The following ZNF283 variants were observed in gnomAD, a reference collection of about 807,000 sequenced individuals.
ZNF283 encodes the protein zinc finger protein 283.
ZNF283 carries 10 observed loss-of-function variants against 9.2 expected under a neutral mutation model. That is an observed-to-expected ratio of 1.09 (90% CI 0.67 to 1.85). The LOEUF is 1.85. ZNF283 is among the 40% of genes most tolerant of loss of function. ZNF283 has a pLI of 0.00. For synonymous variants in ZNF283, 234 were observed against 244.1 expected (o/e 0.96, Z 0.38); for missense variants, 631 against 760.1 (o/e 0.83, Z 2.00).
chr19:43,845,493 TTAAAA>T (rs1189288243), intron 6 of ZNF283, among the ~76,000 whole-genome samples: 1 of 152,120 alleles, frequency 6.6e-6, no homozygotes, highest in Non-Finnish European at 1.5e-5. Context: ...AACACAATAT[TTAAAA>T]TAATGAGAAG....
At chr19:43,846,211 C>T (rs995452204) in intron 6 of ZNF283, among the ~76,000 whole-genome samples, 2 of 151,936 alleles carry the variant, frequency 1.3e-5, no homozygotes, top group African/African-American at 4.8e-5. Context: ...AATTGATAGA[C>T]ATTTAAAATT....
rs1390966451 is a variant in ZNF283, at chr19:43,848,036, A to G, written c.1435A>G (p.Arg479Gly). 2.5e-6 allele frequency: 4 copies of G among 1,613,532 alleles called. No homozygotes were observed. The highest frequency in any genetic ancestry group is 3.4e-6 in the Non-Finnish European group (4 of 1,179,854). Residue 479 changes from arginine to glycine, a missense_variant, in exon 7 of 7, where the codon AGA becomes GGA. Arg to Gly is a moderately radical substitution (Grantham distance 125, BLOSUM62 -2). Transcript: ENST00000618787. ...SWGSSLVKHE[R>G]VHTGEKSHEC... is the part of the protein sequence containing the mutation. ...GGGTTCAAGCCTTGTTAAACATGAGAGAGTTCATACTGGTGAGAAATCCCA... is the reference window on the plus strand; with the variant it reads ...GGGTTCAAGCCTTGTTAAACATGAGGGAGTTCATACTGGTGAGAAATCCCA...
At chr19:43,836,598 C>T (rs761808417) in intron 5 of ZNF283, among the ~76,000 whole-genome samples, 27 of 152,210 alleles carry the variant, frequency 1.8e-4, no homozygotes, top group Non-Finnish European at 3.2e-4. Flanking sequence ...GCCTCAGCCT[C>T]CCAAAGTGCT....
intron 6 of ZNF283, among the ~76,000 whole-genome samples, chr19:43,839,521 T>A (rs991413633): frequency 6.6e-6 from 1 of 152,150 alleles, no homozygotes; most frequent in Non-Finnish European, 1.5e-5. Context: ...TTTCTTCAAA[T>A]TTTTTTCTCT....
rs372887985 is a variant in ZNF283, at chr19:43,829,257, C to T, written c.-65+976C>T. On this transcript the variant is annotated intron_variant, in intron 2 of 6. Transcript: ENST00000618787. Reference sequence around the variant, plus strand: ...AAAATTAGCTGGGCGTAGTGGTAGGCGCCTGTAGTCCCAGCTACTCGGGAG... The same window carrying T: ...AAAATTAGCTGGGCGTAGTGGTAGGTGCCTGTAGTCCCAGCTACTCGGGAG... 9.2e-5 allele frequency among the ~76,000 whole-genome samples: 14 copies of T among 152,188 alleles called. No homozygotes were observed. The East Asian group carries it at 1.4e-3, about 15-fold the overall frequency.
At position 43,829,331 on chromosome 19, in the gene ZNF283, G is replaced by C. The variant is rs370273066; in HGVS notation, c.-65+1050G>C. Among the ~76,000 whole-genome samples, 22 of 152,284 alleles carry C rather than the reference G, an allele frequency of 1.4e-4. No homozygotes were observed. The East Asian group carries it at 1.9e-3, about 13-fold the overall frequency. On this transcript the variant is annotated intron_variant, in intron 2 of 6. Coordinates refer to ENST00000618787, the MANE Select transcript of ZNF283 (RefSeq NM_181845.2). The stretch of plus-strand genomic sequence containing the variant: ...ACCCGGGCGGTGGAGGTTGCAGTGA[G>C]CCAAGATTGCACCACTGCACTCCAG...
chr19:43,849,665 A>G lies in ZNF283; in HGVS notation c.*1024A>G, dbSNP rs998766044. 5.3e-5 allele frequency: 8 copies of G among 152,192 alleles called. No individual in the cohort carries two copies. Among genetic ancestry groups the G allele is most frequent in the African/African-American group, 1.2e-4 (5 of 41,456 alleles). 9.4% of individuals were successfully genotyped at this position (152,192 alleles called of 1,614,324 possible). A position where few individuals can be genotyped will look rare whatever the true frequency, so the allele number is the denominator to read the frequency against. On this transcript the variant is annotated 3_prime_UTR_variant, in exon 7 of 7. Transcript: ENST00000618787. Reference sequence around the variant, plus strand: ...ATGTAGGAAAACCCTTATCCATGGCAAATACCATACTGTCATCACCATTTC... The same window carrying G: ...ATGTAGGAAAACCCTTATCCATGGCGAATACCATACTGTCATCACCATTTC...
chr19:43,844,220 C>A (rs978510746), intron 6 of ZNF283, among the ~76,000 whole-genome samples: 2 of 151,994 alleles, frequency 1.3e-5, no homozygotes, highest in African/African-American at 2.4e-5. Context: ...TGACAAATAT[C>A]AAAATATATA....
chr19:43,846,536 T>C (rs1335380857), intron 6 of ZNF283, among the ~76,000 whole-genome samples: 1 of 152,118 alleles, frequency 6.6e-6, no homozygotes, highest in African/African-American at 2.4e-5. Flanking sequence ...GTTGCGACCA[T>C]TGAGTTGTTA....
intron 6 of ZNF283, chr19:43,840,977 C>T (rs1971187892): frequency 6.6e-6 from 1 of 152,138 alleles, no homozygotes; most frequent in South Asian, 2.1e-4. Context: ...GCTAGGATTA[C>T]AGGTGTGGCC....
At chr19:43,830,897 C>A (rs1316174162) in intron 2 of ZNF283, among the ~76,000 whole-genome samples, 2 of 82,782 alleles carry the variant, frequency 2.4e-5, no homozygotes, top group Admixed American at 1.4e-4. Context: ...AGCAAGACTC[C>A]ATCTAAAAAA....
chr19:43,836,515 T>TA (rs1970984871), intron 5 of ZNF283, among the ~76,000 whole-genome samples: 1 of 152,138 alleles, frequency 6.6e-6, no homozygotes, highest in Non-Finnish European at 1.5e-5. Flanking sequence ...CTAATTTTTG[T>TA]ATTGTTAGTA....
intron 3 of ZNF283, among the ~76,000 whole-genome samples, chr19:43,832,253 C>T (rs1970742102): frequency 1.3e-5 from 2 of 152,174 alleles, no homozygotes; most frequent in South Asian, 4.1e-4. Context: ...AAGGTTACCT[C>T]TACAGACAAT....
chr19:43,831,747 G>A (rs563011186), intron 3 of ZNF283, among the ~76,000 whole-genome samples: 1 of 152,244 alleles, frequency 6.6e-6, no homozygotes, highest in Non-Finnish European at 1.5e-5. Context: ...TCCCACCTCA[G>A]AGGGAAGGTA....
Position 43,827,322 on chromosome 19 carries a change from G to A in ZNF283, c.-267G>A, listed in dbSNP as rs1970513674. 6.6e-6 allele frequency: 1 copy of A among 152,464 alleles called. No individual in the cohort carries two copies. The highest frequency in any genetic ancestry group is 2.1e-4 in the South Asian group (1 of 4,834). The allele number at this position is 152,464 out of a possible 1,614,324, so 9.4% of individuals were successfully genotyped here. A position where few individuals can be genotyped will look rare whatever the true frequency, so the allele number is the denominator to read the frequency against. ...AGGGGCGGGGCGAGCTTGCCTGCCAGAAGCTCCTCTCCCAGCCTGCGAGCA... is the reference window on the plus strand; with the variant it reads ...AGGGGCGGGGCGAGCTTGCCTGCCAAAAGCTCCTCTCCCAGCCTGCGAGCA... On this transcript the variant is annotated 5_prime_UTR_variant, in exon 1 of 7. Coordinates refer to ENST00000618787, the MANE Select transcript of ZNF283 (RefSeq NM_181845.2).
chr19:43,833,484 CTTTTTT>C lies in ZNF283; in HGVS notation c.1-9_1-4del, dbSNP rs55882936. 3 of 135,450 alleles carry C rather than the reference CTTTTTT, an allele frequency of 2.2e-5. No homozygotes were observed. The highest frequency in any genetic ancestry group is 2.3e-4 in the East Asian group (1 of 4,434). The allele number at this position is 135,450 out of a possible 1,614,324, so 8.4% of individuals were successfully genotyped here. On this transcript the variant is annotated splice_polypyrimidine_tract_variant and intron_variant, in intron 3 of 6. Transcript: ENST00000618787. ...GTGTTTCTTTCTTCTTTACCTATTT[CTTTTTT>C]TTTTTTTTTTTCAGATGGAGTCTCG...
Position 43,844,662 on chromosome 19 carries a change from A to G in ZNF283, c.338-2277A>G, listed in dbSNP as rs1971339595. ...ATGATTAAACTTACTTCCCACATTC[A>G]CATCACAATAATCATCCATCATTTA... On this transcript the variant is annotated intron_variant, in intron 6 of 6. Transcript: ENST00000618787. 4.6e-5 allele frequency among the ~76,000 whole-genome samples: 7 copies of G among 152,168 alleles called. No homozygotes were observed. The South Asian group carries it at 1.4e-3, about 31-fold the overall frequency.
chr19:43,847,415 T>C lies in ZNF283; in HGVS notation c.814T>C (p.Phe272Leu). Reference protein sequence around the residue: ...PYECKECGKTFSWGSSLVKHE... With the variant: ...PYECKECGKTLSWGSSLVKHE... Reference sequence around the variant, plus strand: ...TGAGTGTAAGGAATGTGGGAAGACCTTTAGCTGGGGATCAAGCCTTGTTAA... The same window carrying C: ...TGAGTGTAAGGAATGTGGGAAGACCCTTAGCTGGGGATCAAGCCTTGTTAA... Residue 272 changes from phenylalanine (F) to leucine (L), a missense_variant, in exon 7 of 7, where the codon TTT becomes CTT. Coordinates refer to ENST00000618787, the MANE Select transcript of ZNF283 (RefSeq NM_181845.2). The C allele has an allele frequency of 6.2e-7, 1 of 1,614,046 alleles. No homozygotes were observed. Among genetic ancestry groups the C allele is most frequent in the Non-Finnish European group, 8.5e-7 (1 of 1,179,950 alleles).
At chr19:43,832,748 G>T (rs1383862596) in intron 3 of ZNF283, among the ~76,000 whole-genome samples, 1 of 152,160 alleles carries the variant, frequency 6.6e-6, no homozygotes, top group Admixed American at 6.5e-5. Context: ...AAGCCTGGTG[G>T]CTTGCACCTG....
Sources: allele counts gnomAD v4.1 joint callset (sites outside exome capture counted in the v4.1 genomes callset), GRCh38; gene constraint gnomAD v4.1.1; transcripts MANE v1.5; gene names NCBI Gene and HGNC (gene_info 2026-07-23, HGNC 2026-07-21).